DCDC2C: variants seen among roughly 807,000 people sequenced by gnomAD.
DCDC2C encodes doublecortin domain containing 2C.
A neutral mutation model predicts 45.0 loss-of-function variants in DCDC2C; 44 were observed. That is an observed-to-expected ratio of 0.98 (90% CI 0.77 to 1.26). DCDC2C has a LOEUF of 1.26. DCDC2C is among the 50% of genes most tolerant of loss of function. The pLI is 0.00. For synonymous variants in DCDC2C, 187 were observed against 178.8 expected (o/e 1.05, Z -0.37); for missense variants, 447 against 468.9 (o/e 0.95, Z 0.43).
chr2:3,761,394 T>C lies in DCDC2C; in HGVS notation c.727-6360T>C, dbSNP rs72771242. On this transcript the variant is annotated intron_variant, in intron 6 of 10. Transcript: ENST00000399143. This position sits in a 1 kb window ranked among gnomAD's most constrained non-coding sequence, Gnocchi z 4.3. ...GGAGGTGCGTGTGTGTGTGCGTGTG[T>C]GTGTGCGTGAAAACAGTTGCAGAGG... Among the ~76,000 whole-genome samples the C allele has an allele frequency of 9.7e-3, 1,478 of 152,296 alleles. 13 individuals carry two copies. The highest frequency in any genetic ancestry group is 0.017 in the Non-Finnish European group (1,171 of 68,022).
intron 9 of DCDC2C, among the ~76,000 whole-genome samples, chr2:3,784,846 A>G (rs1670609083): frequency 6.6e-6 from 1 of 152,206 alleles, no homozygotes; most frequent in South Asian, 2.1e-4. Flanking sequence ...AAGAATTTAG[A>G]ATGGGAAACA....
chr2:3,806,545 CTTTT>C (rs34504660), intron 10 of DCDC2C, among the ~76,000 whole-genome samples: 2 of 143,312 alleles, frequency 1.4e-5, no homozygotes. Context: ...CTTTGAGTGT[CTTTT>C]TTTTTTTTTT....
intron 10 of DCDC2C, among the ~76,000 whole-genome samples, chr2:3,791,664 C>G (rs1441007485): frequency 2.0e-5 from 3 of 152,234 alleles, no homozygotes; most frequent in African/African-American, 4.8e-5. Context: ...GGATTTGCTT[C>G]CCAGCTTCCC....
chr2:3,724,602 C>G (rs370363300), intron 2 of DCDC2C, among the ~76,000 whole-genome samples: 10 of 152,156 alleles, frequency 6.6e-5, no homozygotes, highest in South Asian at 6.2e-4. Flanking sequence ...ATTTACTCAA[C>G]GTGGGGTGAT....
chr2:3,716,482 C>T (rs551646498), intron 2 of DCDC2C, among the ~76,000 whole-genome samples: 36 of 151,950 alleles, frequency 2.4e-4, no homozygotes, highest in African/African-American at 7.7e-4. Context: ...ATATGGAGGT[C>T]GTGGGCAGAA....
intron 2 of DCDC2C, among the ~76,000 whole-genome samples, chr2:3,709,237 A>C (rs551325832): frequency 6.6e-6 from 1 of 152,320 alleles, no homozygotes; most frequent in Admixed American, 6.5e-5. Context: ...GAGGGTATCT[A>C]CTTCTCTAAG....
chr2:3,721,245 G>C lies in DCDC2C; in HGVS notation c.340-5758G>C, dbSNP rs915856342. Among the ~76,000 whole-genome samples, 5 of 151,896 alleles carry C rather than the reference G, an allele frequency of 3.3e-5. No homozygotes were observed. The South Asian group carries it at 8.3e-4, about 25-fold the overall frequency. ...CCCTGTTTTCTATTTCATTGCATCT[G>C]TTCTAGTTTTTATTCTTCCTATTGT... On this transcript the variant is annotated intron_variant, in intron 2 of 10. Coordinates refer to ENST00000399143, the MANE Select transcript of DCDC2C (RefSeq NM_001287444.2).
At chr2:3,748,789 T>C (rs936419874) in intron 4 of DCDC2C, among the ~76,000 whole-genome samples, 1 of 152,140 alleles carries the variant, frequency 6.6e-6, no homozygotes, top group Admixed American at 6.5e-5. Flanking sequence ...TGTGGACTTG[T>C]CATCTCTCCT....
chr2:3,816,170 T>C (rs1671554135), intron 10 of DCDC2C, among the ~76,000 whole-genome samples: 1 of 152,142 alleles, frequency 6.6e-6, no homozygotes, highest in South Asian at 2.1e-4. Context: ...CATAGAATGA[T>C]TGGTGATGGC....
chr2:3,769,329 C>T lies in DCDC2C; in HGVS notation c.872C>T (p.Ala291Val). 2 of 1,550,494 alleles carry T rather than the reference C, an allele frequency of 1.3e-6. No homozygotes were observed. Among genetic ancestry groups the T allele is most frequent in the Non-Finnish European group, 1.7e-6 (2 of 1,146,926 alleles). ...QRGAEGDVYKAPTPSKETQGA... is the reference protein window; with the variant it reads ...QRGAEGDVYKVPTPSKETQGA... The stretch of plus-strand genomic sequence containing the variant: ...CTCCCAGAAGGTGACGTGTATAAAG[C>T]ACCGACTCCTAGCAAGGAAACCCAA... Residue 291 changes from alanine (A) to valine (V), a missense_variant, in exon 8 of 11, where the codon GCA (alanine) becomes GTA (valine). Transcript: ENST00000399143.
At chr2:3,837,427 G>A (rs1672109001) in intron 10 of DCDC2C, among the ~76,000 whole-genome samples, 1 of 152,126 alleles carries the variant, frequency 6.6e-6, no homozygotes, top group Non-Finnish European at 1.5e-5. Context: ...TGGGAATGGA[G>A]ACGCCAGGCA....
At chr2:3,715,502 G>A (rs1415835535) in intron 2 of DCDC2C, among the ~76,000 whole-genome samples, 1 of 151,924 alleles carries the variant, frequency 6.6e-6, no homozygotes, top group East Asian at 1.9e-4. Flanking sequence ...TCAGTTAATG[G>A]GTATGGCTGT....
intron 6 of DCDC2C, among the ~76,000 whole-genome samples, chr2:3,760,051 G>C (rs573113067): frequency 6.6e-6 from 1 of 152,292 alleles, no homozygotes; most frequent in African/African-American, 2.4e-5. Context: ...GGGTCTCAGG[G>C]AATGCTGACT....
intron 8 of DCDC2C, among the ~76,000 whole-genome samples, chr2:3,772,738 A>G (rs1487092066): frequency 1.3e-5 from 2 of 152,158 alleles, no homozygotes; most frequent in Non-Finnish European, 2.9e-5. Flanking sequence ...AACAACACAT[A>G]CTTTTAATCA....
intron 6 of DCDC2C, among the ~76,000 whole-genome samples, chr2:3,758,615 C>T (rs1001180990): frequency 1.3e-5 from 2 of 152,166 alleles, no homozygotes; most frequent in Non-Finnish European, 2.9e-5. Context: ...CAGCTGCCAG[C>T]GTCAGTGATC....
chr2:3,844,902 A>T (rs537985193), intron 10 of DCDC2C, among the ~76,000 whole-genome samples: 4 of 152,242 alleles, frequency 2.6e-5, no homozygotes, highest in Non-Finnish European at 5.9e-5. Context: ...ACATGTTTAC[A>T]TAGTTATCTC....
intron 5 of DCDC2C, 134 bp from the exon 6 acceptor site, chr2:3,754,458 G>A: frequency 1.3e-6 from 1 of 764,992 alleles, no homozygotes; most frequent in Non-Finnish European, 2.1e-6. Flanking sequence ...GTTGCCATGA[G>A]CCGTGTCCTC....
intron 10 of DCDC2C, among the ~76,000 whole-genome samples, chr2:3,834,122 C>G (rs558254886): frequency 2.0e-5 from 3 of 151,136 alleles, no homozygotes; most frequent in Non-Finnish European, 4.4e-5. Context: ...TGGCCCAAGC[C>G]TCCCCTGCTG....
intron 10 of DCDC2C, among the ~76,000 whole-genome samples, chr2:3,816,751 TG>T (rs904619723): frequency 9.9e-5 from 15 of 152,172 alleles, no homozygotes; most frequent in African/African-American, 3.4e-4. Flanking sequence ...TTTCCTGACT[TG>T]GGGCATGTAA....
Sources: allele counts gnomAD v4.1 joint callset (sites outside exome capture counted in the v4.1 genomes callset), GRCh38; gene constraint gnomAD v4.1.1; non-coding constraint Gnocchi (gnomAD v3.1); transcripts MANE v1.5; gene names NCBI Gene and HGNC (gene_info 2026-07-23, HGNC 2026-07-21).